Variants in MASP1 observed in about 807,000 individuals in gnomAD.
MASP1 encodes mannan-binding lectin serine protease 1.
A neutral mutation model predicts 77.1 loss-of-function variants in MASP1; 59 were observed. The observed-to-expected ratio is 0.77, with a 90% confidence interval of 0.62 to 0.95. The LOEUF (loss-of-function observed/expected upper bound fraction) is 0.95. MASP1 is among the 40% of genes least tolerant of loss of function. The probability of loss-of-function intolerance (pLI) is 0.00; values close to 1 mark genes in which losing one functional copy is unlikely to be tolerated. For synonymous variants in MASP1, 362 were observed against 354.5 expected, an observed-to-expected ratio of 1.02 and a Z score of -0.24; for missense variants, 885 against 912.9, an observed-to-expected ratio of 0.97 and a Z score of 0.39.
intron 10 of MASP1, among the ~76,000 whole-genome samples, chr3:187,239,015 T>C (rs1713403735): frequency 6.6e-6 from 1 of 152,130 alleles, no homozygotes; most frequent in African/African-American, 2.4e-5. Context: ...GTATCCAAGA[T>C]GCTTTGTACA....
At chr3:187,241,856 A>T (rs1713672192) in intron 9 of MASP1, 1 of 340,140 alleles carries the variant, frequency 2.9e-6, no homozygotes. Flanking sequence ...AACATGAAGG[A>T]TCTTTCTAAA....
chr3:187,285,721 T>C, intron 2 of MASP1, 104 bp downstream of exon 2: 3 of 875,850 alleles, frequency 3.4e-6, no homozygotes, highest in Non-Finnish European at 3.8e-6. Flanking sequence ...TGATGTTGTG[T>C]GTCTCTCTTA....
intron 15 of MASP1, chr3:187,220,332 G>A: frequency 7.0e-7 from 1 of 1,419,250 alleles, no homozygotes. Flanking sequence ...TCCCATGTAT[G>A]GGTTGTAGTT....
intron 2 of MASP1, among the ~76,000 whole-genome samples, chr3:187,265,517 A>G (rs1011651532): frequency 2.6e-5 from 4 of 151,770 alleles, no homozygotes; most frequent in Admixed American, 2.0e-4. Flanking sequence ...AATTTGAGCC[A>G]TACATCCTTT....
intron 2 of MASP1, among the ~76,000 whole-genome samples, chr3:187,266,258 G>A (rs927369222): frequency 3.9e-5 from 6 of 152,194 alleles, no homozygotes; most frequent in Non-Finnish European, 7.3e-5. Context: ...CACCAAATAT[G>A]TGTGTACTAA....
intron 2 of MASP1, among the ~76,000 whole-genome samples, chr3:187,263,926 T>A (rs1715813516): frequency 6.6e-6 from 1 of 152,224 alleles, no homozygotes; most frequent in African/African-American, 2.4e-5. Flanking sequence ...CCTAATCCAA[T>A]TCTTTTAAGT....
Position 187,235,561 on chromosome 3 carries a change from G to A in MASP1, c.*123C>T. The A allele has an allele frequency of 6.4e-7, 1 of 1,556,384 alleles. No individual in the cohort carries two copies. The highest frequency in any genetic ancestry group is 8.6e-7 in the Non-Finnish European group (1 of 1,159,740). ...AGGGTCCTGGGGGCTGTCTCGGTAG[G>A]AGAAGCCACCGCTAGGTCAGTGTGT... is the stretch of plus-strand genomic sequence containing the variant. On this transcript the variant is annotated 3_prime_UTR_variant, in exon 11 of 11. Transcript: ENST00000296280.
At position 187,236,032 on chromosome 3, in the gene MASP1, C is replaced by A. The variant is rs758527966; in HGVS notation, c.1839G>T (p.Leu613Phe). ...ACTTGACATACTGCAGGACATCTGACAAGGTCCGTGTGCCACTGCTGATGA... is the reference window on the plus strand; with the variant it reads ...ACTTGACATACTGCAGGACATCTGAAAAGGTCCGTGTGCCACTGCTGATGA... Reference protein sequence around the residue: ...DEIISSGTRTLSDVLQYVKLP... With the variant: ...DEIISSGTRTFSDVLQYVKLP... The change falls in exon 11 of 11, where the codon TTG (leucine) becomes TTT (phenylalanine). Residue 613 changes from leucine to phenylalanine, a missense_variant. Transcript: ENST00000296280. The A allele has an allele frequency of 6.2e-7, 1 of 1,614,230 alleles. No homozygotes were observed. The highest frequency in any genetic ancestry group is 8.5e-7 in the Non-Finnish European group (1 of 1,180,052).
chr3:187,274,907 G>C (rs574575534), intron 2 of MASP1, among the ~76,000 whole-genome samples: 1 of 151,730 alleles, frequency 6.6e-6, no homozygotes, highest in Non-Finnish European at 1.5e-5. Context: ...CCTGGGAAGC[G>C]GGCATCCCGC....
intron 8 of MASP1, 138 bp from the exon 9 acceptor site, chr3:187,243,759 G>A (rs1373105965): frequency 1.5e-5 from 16 of 1,064,882 alleles, no homozygotes; most frequent in South Asian, 2.5e-5. Context: ...GCCTCTGAAG[G>A]GCACCCCTGG....
At chr3:187,273,863 T>C (rs532351133) in intron 2 of MASP1, among the ~76,000 whole-genome samples, 10 of 152,332 alleles carry the variant, frequency 6.6e-5, no homozygotes, top group Admixed American at 5.2e-4. Flanking sequence ...AATGAGAGGT[T>C]CTGGAGGTTG....
At chr3:187,268,585 T>C (rs2108576900) in intron 2 of MASP1, among the ~76,000 whole-genome samples, 1 of 150,552 alleles carries the variant, frequency 6.6e-6, no homozygotes, top group African/African-American at 2.4e-5. Flanking sequence ...GGAAGGACTG[T>C]ATGTAGTGAA....
chr3:187,222,192 C>T (rs892811893), intron 14 of MASP1, among the ~76,000 whole-genome samples: 2 of 152,140 alleles, frequency 1.3e-5, no homozygotes, highest in African/African-American at 4.8e-5. Context: ...CTCCTGAACC[C>T]CTGAGACAAG....
At chr3:187,280,398 A>G (rs1717315571) in intron 2 of MASP1, among the ~76,000 whole-genome samples, 1 of 152,270 alleles carries the variant, frequency 6.6e-6, no homozygotes, top group South Asian at 2.1e-4. Context: ...CAGATGATTT[A>G]TGCTTCCTTT....
chr3:187,229,178 C>A (rs1712617801), downstream of MASP1, among the ~76,000 whole-genome samples: 1 of 152,182 alleles, frequency 6.6e-6, no homozygotes, highest in Admixed American at 6.5e-5. Context: ...TTCTTGCTCC[C>A]ACTCCCACCC....
intron 8 of MASP1, among the ~76,000 whole-genome samples, chr3:187,249,193 G>T (rs1296972086): frequency 2.0e-5 from 3 of 152,210 alleles, no homozygotes; most frequent in African/African-American, 7.2e-5. Context: ...GAGTAGCTGG[G>T]ATTACAGGCG....
At position 187,250,207 on chromosome 3, in the gene MASP1, T is replaced by A. The variant is rs763988853; in HGVS notation, c.1090+44A>T. The A allele has an allele frequency of 6.6e-6, 10 of 1,509,980 alleles. No individual in the cohort carries two copies. In the Admixed American group the frequency reaches 1.5e-4, roughly 23 times the overall value. The allele number at this position is 1,509,980 out of a possible 1,614,324, so 93.5% of individuals were successfully genotyped here. ...TGCTCTGCTCGGATCCCGCCAGTGC[T>A]GGGGAGCTCAGTATCTTTATAACAA... On this transcript the variant is annotated intron_variant, in intron 8 of 10. Coordinates refer to ENST00000296280, the MANE Select transcript of MASP1 (RefSeq NM_139125.4).
At chr3:187,229,882 T>C (rs138341266), downstream of MASP1, 96 of 1,614,006 alleles carry the variant, frequency 5.9e-5, no homozygotes, top group African/African-American at 1.1e-3. Context: ...CCGGGAGAAC[T>C]TGGGGAGCCC....
intron 8 of MASP1, among the ~76,000 whole-genome samples, chr3:187,249,163 T>C (rs1714351758): frequency 6.6e-6 from 1 of 152,242 alleles, no homozygotes; most frequent in South Asian, 2.1e-4. Context: ...GTTCCAGCAA[T>C]TCTCCCGCCT....
Sources: gnomAD v4.1 joint callset for allele counts (sites outside exome capture counted in the v4.1 genomes callset) on GRCh38, gnomAD v4.1.1 for gene constraint, MANE v1.5 for transcripts, NCBI Gene and HGNC (gene_info 2026-07-23, HGNC 2026-07-21) for gene names.